LHFPL2: variants seen among roughly 807,000 people sequenced by gnomAD.
LHFPL2 encodes LHFPL tetraspan subfamily member 2, also known as LHFPL tetraspan subfamily member 2 protein.
In LHFPL2, 7 loss-of-function variants were observed where a neutral mutation model predicts 17.5. The ratio of observed to expected loss-of-function variants is 0.40; its 90% CI spans 0.23 to 0.75. The LOEUF is 0.75. Ranked by LOEUF, LHFPL2 falls within the 30% of genes least tolerant of loss-of-function variation. The pLI, the probability that LHFPL2 is intolerant of heterozygous loss-of-function variation, is 0.37. For synonymous variants in LHFPL2, 134 were observed against 116.2 expected (o/e 1.15, Z -0.99); for missense variants, 241 against 294.8 (o/e 0.82, Z 1.34).
rs140169494 is a variant in LHFPL2, at chr5:78,568,649, T to C, written c.-244-3778A>G. Among the ~76,000 whole-genome samples the C allele has an allele frequency of 7.2e-5, 11 of 152,262 alleles. No individual in the cohort carries two copies. The East Asian group carries it at 1.9e-3, about 27-fold the overall frequency. ...TCAGCTGAATGAAGAAAGAACTGTG[T>C]AATAAACAGAGTTGACCCGAGGTGG... On this transcript the variant is annotated intron_variant, in intron 2 of 4. Transcript: ENST00000380345.
At chr5:78,571,073 G>A (rs767761439) in intron 2 of LHFPL2, among the ~76,000 whole-genome samples, 11 of 152,098 alleles carry the variant, frequency 7.2e-5, no homozygotes, top group Non-Finnish European at 1.3e-4. Context: ...AAAAGCCTCC[G>A]GTTCCTTCTC....
intron 1 of LHFPL2, among the ~76,000 whole-genome samples, chr5:78,638,322 C>G (rs1745533803): frequency 6.6e-6 from 1 of 152,034 alleles, no homozygotes. Context: ...CCACTGCACT[C>G]CAGCCTGGGT....
chr5:78,630,802 G>T (rs939441799), intron 2 of LHFPL2, among the ~76,000 whole-genome samples: 1 of 152,182 alleles, frequency 6.6e-6, no homozygotes, highest in Non-Finnish European at 1.5e-5. Context: ...TAGTGTTAAC[G>T]CAAAAGCAGA....
rs538088814 is a variant in LHFPL2, at chr5:78,636,660, A to G, written c.-349-4292T>C. Among the ~76,000 whole-genome samples, 7 of 152,344 alleles carry G rather than the reference A, an allele frequency of 4.6e-5. No individual in the cohort carries two copies. The South Asian group carries it at 1.4e-3, about 32-fold the overall frequency. On this transcript the variant is annotated intron_variant, in intron 1 of 4. Transcript: ENST00000380345. ...GCTCATTATCTCCAGTGTCTGAACC[A>G]AAGTAGGAAAGAGTGGGAAAATCAC...
chr5:78,571,407 G>A (rs1353749533), intron 2 of LHFPL2, among the ~76,000 whole-genome samples: 2 of 151,916 alleles, frequency 1.3e-5, no homozygotes, highest in Non-Finnish European at 2.9e-5. Flanking sequence ...ACCCACCCTC[G>A]CCTCTGCCCT....
chr5:78,636,751 C>T (rs1291917689), intron 1 of LHFPL2, among the ~76,000 whole-genome samples: 1 of 152,196 alleles, frequency 6.6e-6, no homozygotes, highest in Non-Finnish European at 1.5e-5. Flanking sequence ...TATCTTTGAG[C>T]ACTTAATAAT....
At chr5:78,524,643 G>A (rs1005163174) in intron 3 of LHFPL2, among the ~76,000 whole-genome samples, 1 of 151,354 alleles carries the variant, frequency 6.6e-6, no homozygotes, top group Non-Finnish European at 1.5e-5. Flanking sequence ...TCAGGAGGCT[G>A]AGGCACAAGA....
Position 78,489,163 on chromosome 5 carries a change from A to AAAAG in LHFPL2, c.431-14_431-11dup. ...AGGATAAGGAATAGACCTGCAGAAC[A>AAAAG]AAAGAGAAAACAGATTAGAAAATCC... On this transcript the variant is annotated splice_polypyrimidine_tract_variant and intron_variant, in intron 4 of 4. Transcript: ENST00000380345. 6.2e-7 allele frequency: 1 copy of AAAAG among 1,613,598 alleles called. No individual in the cohort carries two copies. The highest frequency in any genetic ancestry group is 8.5e-7 in the Non-Finnish European group (1 of 1,179,606).
chr5:78,538,083 G>A (rs1476067493), intron 3 of LHFPL2, among the ~76,000 whole-genome samples: 4 of 152,104 alleles, frequency 2.6e-5, no homozygotes, highest in East Asian at 1.9e-4. Context: ...CTAGTCCTGC[G>A]GCATCTCAGC....
At chr5:78,548,053 C>T (rs6886783) in intron 3 of LHFPL2, among the ~76,000 whole-genome samples, 58,984 of 152,212 alleles carry the variant, frequency 0.39, 11,880 homozygotes, top group Middle Eastern at 0.48. Context: ...CAGGCCGAGA[C>T]GGAGGAAGAG....
intron 1 of LHFPL2, among the ~76,000 whole-genome samples, chr5:78,641,340 A>G (rs926842505): frequency 2.0e-5 from 3 of 152,262 alleles, no homozygotes; most frequent in African/African-American, 7.2e-5. Context: ...CAACCTGGTT[A>G]CGTCTAGTTG....
At chr5:78,619,607 C>T (rs1348644158) in intron 2 of LHFPL2, among the ~76,000 whole-genome samples, 3 of 139,556 alleles carry the variant, frequency 2.1e-5, no homozygotes, top group African/African-American at 7.9e-5. Context: ...CCCATTAACT[C>T]GTCATTTAGC....
chr5:78,489,919 T>C (rs56363865), intron 4 of LHFPL2, among the ~76,000 whole-genome samples: 42,848 of 152,052 alleles, frequency 0.28, 6,445 homozygotes, highest in East Asian at 0.56. Flanking sequence ...TGCCAACTCC[T>C]GGTCTAAGGA....
chr5:78,582,620 T>G (rs1329410624), intron 2 of LHFPL2, among the ~76,000 whole-genome samples: 1 of 152,038 alleles, frequency 6.6e-6, no homozygotes, highest in Admixed American at 6.6e-5. Flanking sequence ...TAATCCTGAG[T>G]TCTAGTTTGA....
In LHFPL2 at chr5:78,595,329, C is replaced by T. The variant is rs141698526; in HGVS notation, c.-244-30458G>A. Among the ~76,000 whole-genome samples, 12 of 152,272 alleles carry T rather than the reference C, an allele frequency of 7.9e-5. No homozygotes were observed. The East Asian group carries it at 1.3e-3, about 17-fold the overall frequency. On this transcript the variant is annotated intron_variant, in intron 2 of 4. Transcript: ENST00000380345. ...ATAATGAGTCATACTGGCTTGAATC[C>T]GAAGCACCAGGTCAAATGCAGTTTA...
intron 3 of LHFPL2, among the ~76,000 whole-genome samples, chr5:78,552,045 T>C (rs1430551139): frequency 6.6e-6 from 1 of 152,248 alleles, no homozygotes; most frequent in Non-Finnish European, 1.5e-5. Flanking sequence ...CCTGTATCTT[T>C]GGGTCTTCAT....
chr5:78,607,299 G>GAAT (rs1744252276), intron 2 of LHFPL2, among the ~76,000 whole-genome samples: 1 of 151,510 alleles, frequency 6.6e-6, no homozygotes, highest in Non-Finnish European at 1.5e-5. Context: ...TCTTAGTAGA[G>GAAT]ACGGGGTTTC....
At chr5:78,599,085 C>G (rs959399985) in intron 2 of LHFPL2, among the ~76,000 whole-genome samples, 26 of 152,262 alleles carry the variant, frequency 1.7e-4, no homozygotes, top group Middle Eastern at 3.4e-3. Flanking sequence ...GTTGGTCTGC[C>G]TATGTCCCCA....
At chr5:78,622,483 C>T (rs1744889315) in intron 2 of LHFPL2, among the ~76,000 whole-genome samples, 1 of 152,132 alleles carries the variant, frequency 6.6e-6, no homozygotes, top group South Asian at 2.1e-4. Flanking sequence ...AATAATTTGC[C>T]TGAGGTCATA....
Sources: gnomAD v4.1 joint callset for allele counts (sites outside exome capture counted in the v4.1 genomes callset) on GRCh38, gnomAD v4.1.1 for gene constraint, MANE v1.5 for transcripts, NCBI Gene and HGNC (gene_info 2026-07-23, HGNC 2026-07-21) for gene names.